The following GPC6 variants were observed in gnomAD, a reference collection of about 807,000 sequenced individuals.
GPC6 encodes glypican 6.
In GPC6, 14 loss-of-function variants were observed where a neutral mutation model predicts 55.2. That is an observed-to-expected ratio of 0.25 (90% CI 0.17 to 0.40). The LOEUF is 0.40. Ranked by LOEUF, GPC6 falls within the 10% of genes least tolerant of loss-of-function variation. The pLI is 1.00. For missense variants in GPC6, 641 were observed against 708.5 expected, an observed-to-expected ratio of 0.90 and a Z score of 1.08; for synonymous variants, 278 against 259.6, an observed-to-expected ratio of 1.07 and a Z score of -0.68.
chr13:94,382,623 T>G lies in GPC6; in HGVS notation c.1289+73T>G, dbSNP rs1007717924. On this transcript the variant is annotated intron_variant, in intron 7 of 8. Coordinates refer to ENST00000377047, the MANE Select transcript of GPC6 (RefSeq NM_005708.5). ...CCTTGGAAGACTCTCCTGGCACAAC[T>G]CTACAAACCTGTTTATGCAAAAAGC... 22 of 1,586,734 alleles carry G rather than the reference T, an allele frequency of 1.4e-5. No homozygotes were observed. In the Admixed American group the frequency reaches 3.5e-4, roughly 25 times the overall value.
At chr13:93,512,873 A>G (rs1011338655) in intron 1 of GPC6, among the ~76,000 whole-genome samples, 3 of 152,182 alleles carry the variant, frequency 2.0e-5, no homozygotes, top group Non-Finnish European at 2.9e-5. Flanking sequence ...AGATAACTAT[A>G]ATATCAGAGA....
intron 3 of GPC6, among the ~76,000 whole-genome samples, chr13:94,016,524 G>A (rs182128152): frequency 6.6e-6 from 1 of 152,332 alleles, no homozygotes; most frequent in Admixed American, 6.5e-5. Flanking sequence ...TTGAAGTCAG[G>A]AAATGTGAGT....
At chr13:93,684,547 T>A (rs1276078614) in intron 2 of GPC6, among the ~76,000 whole-genome samples, 2 of 152,180 alleles carry the variant, frequency 1.3e-5, no homozygotes, top group East Asian at 3.9e-4. Context: ...TTAAAATGAA[T>A]ATTTTCTGCT....
chr13:93,423,963 G>T (rs574489712), intron 1 of GPC6, among the ~76,000 whole-genome samples: 3 of 152,166 alleles, frequency 2.0e-5, no homozygotes, highest in Admixed American at 6.6e-5. Flanking sequence ...TCCGTATCTG[G>T]TGGAAATCTG....
chr13:93,943,114 C>T (rs2140365035), intron 3 of GPC6, among the ~76,000 whole-genome samples: 1 of 152,262 alleles, frequency 6.6e-6, no homozygotes, highest in East Asian at 1.9e-4. Flanking sequence ...ATTCAGCTAA[C>T]AGATTGTAAG....
chr13:93,876,765 T>C (rs1463122968), intron 3 of GPC6, among the ~76,000 whole-genome samples: 1 of 152,042 alleles, frequency 6.6e-6, no homozygotes, highest in Admixed American at 6.6e-5. Context: ...TTTTAAGAGA[T>C]TTTTAAAAGT....
chr13:94,271,687 T>G (rs1242608504), intron 4 of GPC6, among the ~76,000 whole-genome samples: 1 of 152,044 alleles, frequency 6.6e-6, no homozygotes, highest in African/African-American at 2.4e-5. Flanking sequence ...CCATTGAAAA[T>G]ACTACATGAC....
intron 4 of GPC6, among the ~76,000 whole-genome samples, chr13:94,284,190 G>A (rs773911666): frequency 2.0e-5 from 3 of 152,152 alleles, no homozygotes; most frequent in African/African-American, 7.2e-5. Context: ...TCCGCCTGGG[G>A]CCTGGGGTCA....
At chr13:94,334,434 G>A (rs978356093) in intron 6 of GPC6, among the ~76,000 whole-genome samples, 10 of 152,204 alleles carry the variant, frequency 6.6e-5, no homozygotes, top group African/African-American at 2.4e-4. Flanking sequence ...AAAGTAGAGT[G>A]CAGGTATCAA....
intron 3 of GPC6, among the ~76,000 whole-genome samples, chr13:93,874,809 G>A (rs1472120455): frequency 6.6e-6 from 1 of 151,786 alleles, no homozygotes; most frequent in Non-Finnish European, 1.5e-5. Flanking sequence ...GATCATCTCA[G>A]TGGCATCCTC....
At chr13:93,627,582 A>C (rs371582857) in intron 2 of GPC6, among the ~76,000 whole-genome samples, 8 of 152,112 alleles carry the variant, frequency 5.3e-5, no homozygotes, top group African/African-American at 1.7e-4. Context: ...TCTGATGACC[A>C]CTTCTATAAG....
rs147993834 is a variant in GPC6 at position 94,185,056 on chromosome 13, C to T, written c.878-101293C>T. On this transcript the variant is annotated intron_variant, in intron 4 of 8. Transcript: ENST00000377047. Reference sequence around the variant, plus strand: ...AACACAGGAAGAGAAAACCAAATGCCGTATGTTCTCACTTATATGTGGGAG... The same window carrying T: ...AACACAGGAAGAGAAAACCAAATGCTGTATGTTCTCACTTATATGTGGGAG... 9.2e-3 allele frequency among the ~76,000 whole-genome samples: 1,392 copies of T among 152,076 alleles called. 13 individuals carry two copies. Among genetic ancestry groups the T allele is most frequent in the Non-Finnish European group, 0.014 (961 of 67,994 alleles).
intron 4 of GPC6, among the ~76,000 whole-genome samples, chr13:94,095,581 G>C (rs1885628828): frequency 6.6e-6 from 1 of 151,994 alleles, no homozygotes; most frequent in Non-Finnish European, 1.5e-5. Flanking sequence ...TTTGAATTTG[G>C]ACCAGCCACA....
At chr13:93,552,122 GC>G (rs1434367847) in intron 2 of GPC6, among the ~76,000 whole-genome samples, 3 of 152,186 alleles carry the variant, frequency 2.0e-5, no homozygotes, top group African/African-American at 7.2e-5. Flanking sequence ...TACCAGCTCA[GC>G]GACATGTATT....
At chr13:94,175,550 T>C (rs142490065) in intron 4 of GPC6, among the ~76,000 whole-genome samples, 247 of 152,228 alleles carry the variant, frequency 1.6e-3, no homozygotes, top group Non-Finnish European at 2.9e-3. Context: ...ATGGAATTGG[T>C]ATTCTGATTG....
In GPC6 at chr13:93,875,439, A is replaced by T. The variant is rs148754652; in HGVS notation, c.711+44894A>T. Among the ~76,000 whole-genome samples, 133 of 152,160 alleles carry T rather than the reference A, an allele frequency of 8.7e-4. 1 individual carries two copies. Among genetic ancestry groups the T allele is most frequent in the African/African-American group, 3.1e-3 (127 of 41,568 alleles). On this transcript the variant is annotated intron_variant, in intron 3 of 8. Coordinates refer to ENST00000377047, the MANE Select transcript of GPC6 (RefSeq NM_005708.5). The stretch of plus-strand genomic sequence containing the variant: ...CTTATCTTGTCTCAGTTACAAAAGC[A>T]ATATATCATGTGATCAATTCAAATG...
intron 1 of GPC6, among the ~76,000 whole-genome samples, chr13:93,392,552 G>C (rs1875671403): frequency 6.6e-6 from 1 of 152,116 alleles, no homozygotes; most frequent in Non-Finnish European, 1.5e-5. Context: ...ATTACAAAAG[G>C]AAGTCCCAAA....
At chr13:94,199,265 T>G (rs1889678426) in intron 4 of GPC6, among the ~76,000 whole-genome samples, 1 of 152,238 alleles carries the variant, frequency 6.6e-6, no homozygotes, top group South Asian at 2.1e-4. Flanking sequence ...AATATATTGC[T>G]GAGTCATTGA....
At chr13:94,306,803 A>G (rs901684689) in intron 6 of GPC6, among the ~76,000 whole-genome samples, 4 of 152,232 alleles carry the variant, frequency 2.6e-5, no homozygotes, top group African/African-American at 7.2e-5. Context: ...ATAATTTCAA[A>G]GAAATACTGC....
Sources: allele counts gnomAD v4.1 joint callset (sites outside exome capture counted in the v4.1 genomes callset), GRCh38; gene constraint gnomAD v4.1.1; transcripts MANE v1.5; gene names NCBI Gene and HGNC (gene_info 2026-07-23, HGNC 2026-07-21).